SPECC1: variants seen among roughly 807,000 people sequenced by gnomAD.
The protein encoded by SPECC1 is cytospin-B.
SPECC1 carries 62 observed loss-of-function variants against 104.1 expected under a neutral mutation model. The observed-to-expected ratio is 0.60, with a 90% CI of 0.49 to 0.74. The LOEUF (loss-of-function observed/expected upper bound fraction) is 0.74. Ranked by LOEUF, SPECC1 falls within the 30% of genes least tolerant of loss-of-function variation. The probability of loss-of-function intolerance (pLI) is 0.00; values close to 1 mark genes in which losing one functional copy is unlikely to be tolerated. For synonymous variants in SPECC1, 513 were observed against 501.6 expected, an observed-to-expected ratio of 1.02 and a Z score of -0.30; for missense variants, 1,306 against 1,310.5, an observed-to-expected ratio of 1.00 and a Z score of 0.05.
chr17:20,136,681 T>C (rs1028934314), intron 3 of SPECC1, among the ~76,000 whole-genome samples: 1 of 152,198 alleles, frequency 6.6e-6, no homozygotes, highest in Non-Finnish European at 1.5e-5. Flanking sequence ...CCTTTCTGTA[T>C]GCAAATAGTA....
chr17:20,208,870 G>A lies in SPECC1; in HGVS notation c.1863+2958G>A, dbSNP rs963940730. 5.3e-5 allele frequency among the ~76,000 whole-genome samples: 8 copies of A among 152,266 alleles called. No individual in the cohort carries two copies. In the South Asian group the frequency reaches 1.7e-3, roughly 32 times the overall value. On this transcript the variant is annotated intron_variant, in intron 4 of 14. Coordinates refer to ENST00000395527, the MANE Select transcript of SPECC1 (RefSeq NM_001243439.2). ...AGGCTGGAGTGTAGTGGCGATTATAGCTCACTGCAGCCTTGAACTCCTGGG... is the reference window on the plus strand; with the variant it reads ...AGGCTGGAGTGTAGTGGCGATTATAACTCACTGCAGCCTTGAACTCCTGGG...
chr17:20,132,480 T>C (rs1371429671), intron 3 of SPECC1, among the ~76,000 whole-genome samples: 1 of 151,922 alleles, frequency 6.6e-6, no homozygotes, highest in Non-Finnish European at 1.5e-5. Flanking sequence ...CGTTAAATAA[T>C]TGGTAGAATT....
At chr17:20,051,078 TTCTTTC>T (rs755686890) in intron 1 of SPECC1, among the ~76,000 whole-genome samples, 162 of 62,232 alleles carry the variant, frequency 2.6e-3, no homozygotes, top group South Asian at 5.0e-3. Context: ...TTTTCTTTCT[TTCTTTC>T]TTTCTTTCTT....
At chr17:20,203,988 C>CTGGTCCCGTGGTGTTTA (rs1825642704) in intron 3 of SPECC1, among the ~76,000 whole-genome samples, 1 of 152,236 alleles carries the variant, frequency 6.6e-6, no homozygotes, top group Non-Finnish European at 1.5e-5. Flanking sequence ...CACACCTACA[C>CTGGTCCCGTGGTGTTTA]ATTTTCTCAC....
At chr17:20,133,223 A>AT (rs542601395) in intron 3 of SPECC1, among the ~76,000 whole-genome samples, 24 of 145,760 alleles carry the variant, frequency 1.6e-4, no homozygotes, top group African/African-American at 4.0e-4. Flanking sequence ...GTTTTTCTCT[A>AT]TTTTTTTTTC....
chr17:20,233,668 C>T (rs73981864), intron 7 of SPECC1, among the ~76,000 whole-genome samples: 11,356 of 152,222 alleles, frequency 0.075, 622 homozygotes, highest in African/African-American at 0.15. Flanking sequence ...CAGACAAGGT[C>T]ATTACTTTAT....
intron 3 of SPECC1, among the ~76,000 whole-genome samples, chr17:20,152,429 G>A (rs2152567900): frequency 1.3e-5 from 2 of 152,264 alleles, no homozygotes; most frequent in South Asian, 4.1e-4. Context: ...GAATTTAAAA[G>A]ATGATATATA....
chr17:20,191,307 G>C (rs2035652953), intron 3 of SPECC1, among the ~76,000 whole-genome samples: 1 of 152,112 alleles, frequency 6.6e-6, no homozygotes, highest in African/African-American at 2.4e-5. Flanking sequence ...CCACCAAACT[G>C]TCTTCCAACG....
At chr17:20,116,187 A>G (rs1045079371) in intron 3 of SPECC1, among the ~76,000 whole-genome samples, 2 of 151,966 alleles carry the variant, frequency 1.3e-5, no homozygotes, top group African/African-American at 2.4e-5. Context: ...TCCCAGTTTC[A>G]CGCCATTCTC....
At chr17:20,159,009 G>A (rs779089933) in intron 3 of SPECC1, among the ~76,000 whole-genome samples, 1 of 151,538 alleles carries the variant, frequency 6.6e-6, no homozygotes, top group Non-Finnish European at 1.5e-5. Flanking sequence ...CCAGGCTAGA[G>A]TGCAGTGGTG....
At chr17:20,221,540 G>GT (rs148517952) in intron 4 of SPECC1, among the ~76,000 whole-genome samples, 1,939 of 151,832 alleles carry the variant, frequency 0.013, 46 homozygotes, top group African/African-American at 0.044. Flanking sequence ...ATTTAATTGG[G>GT]TCTTCTCTTT....
intron 13 of SPECC1, among the ~76,000 whole-genome samples, chr17:20,305,071 A>G (rs1188441291): frequency 6.6e-6 from 1 of 152,172 alleles, no homozygotes; most frequent in East Asian, 1.9e-4. Flanking sequence ...GTAGAGTAAC[A>G]GAGGAACTCC....
Position 20,315,009 on chromosome 17 carries a change from C to CGTCA in SPECC1, c.*945_*948dup, listed in dbSNP as rs1567629858. On this transcript the variant is annotated 3_prime_UTR_variant, in exon 15 of 15. Coordinates refer to ENST00000395527, the MANE Select transcript of SPECC1 (RefSeq NM_001243439.2). ...TTCACAGTAGGGAAACCGCAGTCCT[C>CGTCA]GTCACCTGCGCCTTTGTCCTCCCAT... The CGTCA allele has an allele frequency of 8.6e-6, 2 of 232,654 alleles. No homozygotes were observed. The highest frequency in any genetic ancestry group is 4.4e-5 in the African/African-American group (2 of 45,310). The allele number at this position is 232,654 out of a possible 1,614,324, so 14.4% of individuals were successfully genotyped here. A position where few individuals can be genotyped will look rare whatever the true frequency, so the allele number is the denominator to read the frequency against.
At chr17:20,105,044 A>C (rs1267932613) in intron 2 of SPECC1, among the ~76,000 whole-genome samples, 1 of 151,992 alleles carries the variant, frequency 6.6e-6, no homozygotes, top group African/African-American at 2.4e-5. Flanking sequence ...AAATGCTTTA[A>C]ATTTTTAACT....
chr17:20,099,544 C>T (rs907387435), intron 2 of SPECC1, among the ~76,000 whole-genome samples: 4 of 145,010 alleles, frequency 2.8e-5, no homozygotes, highest in Non-Finnish European at 6.0e-5. Context: ...AAAAAATTAG[C>T]CTTAGCCGGG....
chr17:20,083,274 C>G (rs565659276), intron 1 of SPECC1, among the ~76,000 whole-genome samples: 6 of 152,118 alleles, frequency 3.9e-5, no homozygotes, highest in African/African-American at 1.4e-4. Flanking sequence ...AATGCAAAGG[C>G]GAATCAGAGT....
chr17:20,306,503 G>T (rs1189977155), intron 14 of SPECC1, among the ~76,000 whole-genome samples: 1 of 152,228 alleles, frequency 6.6e-6, no homozygotes, highest in African/African-American at 2.4e-5. Flanking sequence ...GGTGGGTGGG[G>T]GATGGTGGGC....
At chr17:20,265,750 A>ATT (rs2040195603) in intron 12 of SPECC1, among the ~76,000 whole-genome samples, 2 of 152,192 alleles carry the variant, frequency 1.3e-5, no homozygotes, top group Non-Finnish European at 2.9e-5. Flanking sequence ...TCTGTAATCC[A>ATT]TTTTAAGTTA....
chr17:20,207,484 T>C (rs2036862957), intron 4 of SPECC1, among the ~76,000 whole-genome samples: 1 of 152,230 alleles, frequency 6.6e-6, no homozygotes, highest in Non-Finnish European at 1.5e-5. Flanking sequence ...TTATCTCCCA[T>C]GTGCACCTTC....
Sources: gnomAD v4.1 joint callset for allele counts (sites outside exome capture counted in the v4.1 genomes callset) on GRCh38, gnomAD v4.1.1 for gene constraint, MANE v1.5 for transcripts, NCBI Gene and HGNC (gene_info 2026-07-23, HGNC 2026-07-21) for gene names.